The following TRPM3 variants were observed in gnomAD, a reference collection of about 807,000 sequenced individuals.
The protein encoded by TRPM3 is long transient receptor potential channel 3.
In TRPM3, 77 loss-of-function variants were observed where a neutral mutation model predicts 181.2. The observed-to-expected ratio is 0.42, with a 90% CI of 0.35 to 0.51. The LOEUF (loss-of-function observed/expected upper bound fraction) is 0.51. Among genes scored for constraint, TRPM3 ranks in the 20% least tolerant of loss-of-function variants. TRPM3 has a pLI of 0.01. For synonymous variants in TRPM3, 745 were observed against 796.4 expected, an observed-to-expected ratio of 0.94 and a Z score of 1.09; for missense variants, 1,759 against 2,196.7, an observed-to-expected ratio of 0.80 and a Z score of 3.98.
chr9:70,877,831 T>A (rs868647218), intron 1 of TRPM3, among the ~76,000 whole-genome samples: 1,433 of 42,008 alleles, frequency 0.034, 21 homozygotes, highest in African/African-American at 0.13. Flanking sequence ...ACACACACAC[T>A]CCCATGAAAT....
At chr9:71,096,590 A>ACACACACTCTCTCT (rs1452142664) in intron 1 of TRPM3, among the ~76,000 whole-genome samples, 46 of 90,040 alleles carry the variant, frequency 5.1e-4, no homozygotes, top group African/African-American at 1.6e-3. Context: ...ACACACACAC[A>ACACACACTCTCTCT]CTCTCTCTCT....
chr9:70,760,504 G>A (rs1222947038), intron 8 of TRPM3, among the ~76,000 whole-genome samples: 4 of 150,322 alleles, frequency 2.7e-5, no homozygotes, highest in Non-Finnish European at 4.4e-5. Context: ...CCACCCGCTC[G>A]CTGGCTTCTA....
intron 1 of TRPM3, among the ~76,000 whole-genome samples, chr9:70,925,273 C>G (rs914743403): frequency 6.6e-6 from 1 of 152,112 alleles, no homozygotes; most frequent in Non-Finnish European, 1.5e-5. Flanking sequence ...AAACATAAAA[C>G]CAATCTTTGC....
At chr9:71,283,454 G>A (rs951018435) in intron 1 of TRPM3, among the ~76,000 whole-genome samples, 4 of 151,894 alleles carry the variant, frequency 2.6e-5, no homozygotes, top group South Asian at 4.2e-4. Context: ...CCACCACCAC[G>A]CCTGGCTGAT....
At chr9:70,983,102 A>G (rs890895365) in intron 1 of TRPM3, among the ~76,000 whole-genome samples, 2 of 152,054 alleles carry the variant, frequency 1.3e-5, no homozygotes, top group Non-Finnish European at 2.9e-5. Flanking sequence ...AGGTAACCAC[A>G]GACCTCCATA....
chr9:70,646,382 T>C (rs2058849574), intron 9 of TRPM3, among the ~76,000 whole-genome samples: 1 of 152,214 alleles, frequency 6.6e-6, no homozygotes, highest in Admixed American at 6.5e-5. Context: ...TGGAATACTA[T>C]GCAACCATAG....
At chr9:71,184,106 C>T (rs150137154) in intron 1 of TRPM3, among the ~76,000 whole-genome samples, 9 of 152,230 alleles carry the variant, frequency 5.9e-5, no homozygotes, top group African/African-American at 2.2e-4. Flanking sequence ...AATCTCCAGA[C>T]ACCACCATTA....
intron 6 of TRPM3, among the ~76,000 whole-genome samples, chr9:70,803,826 C>T (rs2089969833): frequency 6.6e-6 from 1 of 152,060 alleles, no homozygotes; most frequent in African/African-American, 2.4e-5. Flanking sequence ...TACCTAAAAG[C>T]AGAATTACGA....
At chr9:71,007,618 A>C (rs1174557924) in intron 1 of TRPM3, among the ~76,000 whole-genome samples, 1 of 152,158 alleles carries the variant, frequency 6.6e-6, no homozygotes, top group Non-Finnish European at 1.5e-5. Context: ...CTCTTGAACA[A>C]TGAAGAGATT....
intron 20 of TRPM3, among the ~76,000 whole-genome samples, chr9:70,598,947 C>T (rs1721425641): frequency 6.6e-6 from 1 of 152,162 alleles, no homozygotes. Flanking sequence ...ATGATTCAAT[C>T]CTAGTATGCT....
At chr9:70,890,835 G>C (rs2096188835) in intron 1 of TRPM3, among the ~76,000 whole-genome samples, 1 of 151,948 alleles carries the variant, frequency 6.6e-6, no homozygotes, top group Non-Finnish European at 1.5e-5. Context: ...AGAGGCAGAG[G>C]GAATTCATAA....
chr9:71,069,749 C>G (rs936523781), intron 1 of TRPM3, among the ~76,000 whole-genome samples: 1 of 151,968 alleles, frequency 6.6e-6, no homozygotes, highest in East Asian at 1.9e-4. Context: ...GCTAGGATTA[C>G]AGGTACACAC....
At chr9:71,426,504 T>C (rs2093866142) in intron 1 of TRPM3, among the ~76,000 whole-genome samples, 1 of 152,066 alleles carries the variant, frequency 6.6e-6, no homozygotes, top group Non-Finnish European at 1.5e-5. Context: ...AGAACCCAAA[T>C]CTAACTCCAA....
intron 1 of TRPM3, among the ~76,000 whole-genome samples, chr9:71,146,011 TTC>T (rs1485401219): frequency 2.0e-5 from 3 of 152,336 alleles, no homozygotes; most frequent in South Asian, 2.1e-4. Flanking sequence ...TACTCTGTGA[TTC>T]TGTTAGGTAC....
chr9:71,380,609 G>A (rs1230449127), intron 1 of TRPM3, among the ~76,000 whole-genome samples: 1 of 151,912 alleles, frequency 6.6e-6, no homozygotes, highest in African/African-American at 2.4e-5. Flanking sequence ...AACTTCATCA[G>A]CAGAAAGCAA....
intron 6 of TRPM3, chr9:70,793,739 T>C (rs1304644030): frequency 4.6e-6 from 2 of 435,758 alleles, no homozygotes; most frequent in Non-Finnish European, 4.9e-6. Flanking sequence ...CTTAGAATGA[T>C]TCAACTTGCA....
intron 1 of TRPM3, among the ~76,000 whole-genome samples, chr9:70,931,108 A>C (rs1222738655): frequency 6.6e-6 from 1 of 152,094 alleles, no homozygotes; most frequent in East Asian, 1.9e-4. Context: ...GGATAGCAGT[A>C]AATAACGCAA....
At chr9:70,558,529 G>A (rs536010740) in intron 22 of TRPM3, among the ~76,000 whole-genome samples, 1 of 152,162 alleles carries the variant, frequency 6.6e-6, no homozygotes, top group Non-Finnish European at 1.5e-5. Flanking sequence ...AGGCCATGCT[G>A]CTCCCCTTCT....
chr9:70,545,455 A>G (rs2044587650), intron 25 of TRPM3, among the ~76,000 whole-genome samples: 1 of 152,118 alleles, frequency 6.6e-6, no homozygotes, highest in South Asian at 2.1e-4. Flanking sequence ...TGGGATATTT[A>G]CTTTGGAAAA....
Sources: gnomAD v4.1 joint callset for allele counts (sites outside exome capture counted in the v4.1 genomes callset) on GRCh38, gnomAD v4.1.1 for gene constraint, MANE v1.5 for transcripts, NCBI Gene and HGNC (gene_info 2026-07-23, HGNC 2026-07-21) for gene names.